NEBL: variants seen among roughly 807,000 people sequenced by gnomAD.
The protein encoded by NEBL is nebulette, also known as LIM and SH3 protein 2.
A neutral mutation model predicts 140.2 loss-of-function variants in NEBL; 122 were observed. The ratio of observed to expected loss-of-function variants is 0.87; its 90% CI spans 0.75 to 1.01. The LOEUF (loss-of-function observed/expected upper bound fraction) is 1.01. NEBL is among the 50% of genes least tolerant of loss of function. NEBL has a pLI of 0.00. For synonymous variants in NEBL, 436 were observed against 398.9 expected (o/e 1.09, Z -1.11); for missense variants, 1,365 against 1,231.3 (o/e 1.11, Z -1.62).
chr10:20,952,440 GAAAAAAA>G (rs71390801), intron 4 of NEBL, among the ~76,000 whole-genome samples: 3 of 101,740 alleles, frequency 2.9e-5, no homozygotes, highest in African/African-American at 1.2e-4. Flanking sequence ...CTGTCTGAAG[GAAAAAAA>G]AAAAAAAAAA....
intron 2 of NEBL, among the ~76,000 whole-genome samples, chr10:21,133,466 C>A (rs933016541): frequency 2.6e-5 from 4 of 152,174 alleles, no homozygotes; most frequent in Admixed American, 6.5e-5. Context: ...AGTCCCAAAG[C>A]CAGATTCCAT....
intron 3 of NEBL, among the ~76,000 whole-genome samples, chr10:20,979,557 G>A (rs1836947180): frequency 6.6e-6 from 1 of 152,128 alleles, no homozygotes; most frequent in Non-Finnish European, 1.5e-5. Flanking sequence ...CATTATTTTA[G>A]ATCTTTCAAT....
chr10:21,193,426 C>T (rs1049996824), intron 3 of NEBL, among the ~76,000 whole-genome samples: 8 of 152,142 alleles, frequency 5.3e-5, no homozygotes, highest in African/African-American at 1.4e-4. Flanking sequence ...CAAAACCCAT[C>T]CCCACTGAAA....
chr10:21,040,448 G>A (rs1322900410), intron 2 of NEBL, among the ~76,000 whole-genome samples: 1 of 152,210 alleles, frequency 6.6e-6, no homozygotes. Context: ...TTCCAGTCAT[G>A]GCAGAAGGTG....
At chr10:20,787,950 C>G (rs1407075741) in intron 26 of NEBL, among the ~76,000 whole-genome samples, 1 of 152,116 alleles carries the variant, frequency 6.6e-6, no homozygotes, top group African/African-American at 2.4e-5. Context: ...GTTACAAAAG[C>G]CTGAGAAACC....
At chr10:21,212,611 G>T (rs1258665605) in intron 3 of NEBL, among the ~76,000 whole-genome samples, 1 of 152,176 alleles carries the variant, frequency 6.6e-6, no homozygotes, top group Admixed American at 6.5e-5. Context: ...CTTCAGCTTT[G>T]CTTAGCTTGT....
At chr10:20,933,675 A>T (rs185469598) in intron 4 of NEBL, among the ~76,000 whole-genome samples, 1 of 152,364 alleles carries the variant, frequency 6.6e-6, no homozygotes, top group South Asian at 2.1e-4. Context: ...CAGAGGTTGC[A>T]GTGAGCCAAG....
chr10:21,070,432 G>A (rs763256950), intron 2 of NEBL, among the ~76,000 whole-genome samples: 5 of 152,142 alleles, frequency 3.3e-5, no homozygotes, highest in East Asian at 1.9e-4. Flanking sequence ...AATATATCAC[G>A]TATGTATTTT....
chr10:20,968,432 G>C (rs1836426565), intron 3 of NEBL, among the ~76,000 whole-genome samples: 1 of 152,072 alleles, frequency 6.6e-6, no homozygotes. Context: ...GAATACCTCA[G>C]CCCAGAAGTT....
At chr10:21,213,306 T>A (rs912571436) in intron 3 of NEBL, among the ~76,000 whole-genome samples, 110 of 152,292 alleles carry the variant, frequency 7.2e-4, no homozygotes, top group African/African-American at 2.6e-3. Flanking sequence ...AAAATCAGAA[T>A]GTAGAGTGTC....
intron 3 of NEBL, among the ~76,000 whole-genome samples, chr10:21,181,263 CAA>C (rs35619848): frequency 2.4e-5 from 3 of 126,014 alleles, no homozygotes; most frequent in African/African-American, 3.0e-5. Flanking sequence ...AACTCTGTCT[CAA>C]AAAAAAAAAA....
At chr10:21,260,702 T>C (rs964928544) in intron 1 of NEBL, among the ~76,000 whole-genome samples, 1 of 152,162 alleles carries the variant, frequency 6.6e-6, no homozygotes, top group Non-Finnish European at 1.5e-5. Flanking sequence ...CCTTCTCTTC[T>C]GCACCCCGGT....
At chr10:21,191,800 C>T (rs1050073153) in intron 3 of NEBL, among the ~76,000 whole-genome samples, 7 of 152,180 alleles carry the variant, frequency 4.6e-5, no homozygotes, top group African/African-American at 1.4e-4. Flanking sequence ...TTTCCCAGCC[C>T]CTCCCTTTGT....
chr10:21,270,662 C>A (rs1180568247), intron 1 of NEBL, among the ~76,000 whole-genome samples: 2 of 152,126 alleles, frequency 1.3e-5, no homozygotes, highest in East Asian at 3.9e-4. Flanking sequence ...GCCACCGCGC[C>A]CAGCCCATAA....
chr10:21,018,499 T>C (rs1245134793), intron 3 of NEBL, among the ~76,000 whole-genome samples: 1 of 152,122 alleles, frequency 6.6e-6, no homozygotes, highest in African/African-American at 2.4e-5. Flanking sequence ...CCAAAACCAG[T>C]ATACAAACAC....
At chr10:20,982,122 C>G (rs71486480) in intron 3 of NEBL, among the ~76,000 whole-genome samples, 334 of 152,278 alleles carry the variant, frequency 2.2e-3, no homozygotes, top group Non-Finnish European at 3.7e-3. Context: ...AATTACCCAC[C>G]CTAACAGAAA....
chr10:20,969,293 AT>A (rs1316868114), intron 3 of NEBL, among the ~76,000 whole-genome samples: 1 of 152,006 alleles, frequency 6.6e-6, no homozygotes, highest in Non-Finnish European at 1.5e-5. Flanking sequence ...TAAAATTAAA[AT>A]TATAATTACC....
chr10:21,192,776 C>T (rs1459800656), intron 3 of NEBL, among the ~76,000 whole-genome samples: 1 of 149,190 alleles, frequency 6.7e-6, no homozygotes, highest in Non-Finnish European at 1.5e-5. Context: ...ACCCAGGAGG[C>T]AGAGGTCACA....
rs182681821 is a variant in NEBL at position 20,983,560 on chromosome 10, C to A, written c.250-21781G>T. Reference sequence around the variant, plus strand: ...TACTAGTTGTTATCAAATTGCAAATCGTTGTACCCAAAATATCTGTCCATA... The same window carrying A: ...TACTAGTTGTTATCAAATTGCAAATAGTTGTACCCAAAATATCTGTCCATA... On this transcript the variant is annotated intron_variant, in intron 3 of 6. Coordinates refer to the NEBL transcript ENST00000417816. Among the ~76,000 whole-genome samples the A allele has an allele frequency of 3.9e-5, 6 of 152,280 alleles. No homozygotes were observed. In the East Asian group the frequency reaches 1.2e-3, roughly 29 times the overall value.
Sources: gnomAD v4.1 joint callset for allele counts (sites outside exome capture counted in the v4.1 genomes callset) on GRCh38, gnomAD v4.1.1 for gene constraint, MANE v1.5 for transcripts, NCBI Gene and HGNC (gene_info 2026-07-23, HGNC 2026-07-21) for gene names.